CCNC: variants seen among roughly 807,000 people sequenced by gnomAD.
CCNC encodes cyclin C, also known as cyclin-C.
CCNC carries 19 observed loss-of-function variants against 50.0 expected under a neutral mutation model. The ratio of observed to expected loss-of-function variants is 0.38; its 90% CI spans 0.27 to 0.56. The LOEUF (loss-of-function observed/expected upper bound fraction) is 0.56, where lower values mean the gene tolerates loss of function less well. Among genes scored for constraint, CCNC ranks in the 20% least tolerant of loss-of-function variants. The pLI is 0.72. For missense variants in CCNC, 200 were observed against 327.1 expected, an observed-to-expected ratio of 0.61 and a Z score of 3.00; for synonymous variants, 93 against 103.7, an observed-to-expected ratio of 0.90 and a Z score of 0.63.
At chr6:99,556,577 G>C (rs769623294) in intron 5 of CCNC, among the ~76,000 whole-genome samples, 96 of 151,922 alleles carry the variant, frequency 6.3e-4, no homozygotes, top group Non-Finnish European at 1.1e-3. Context: ...TCAGCACTTT[G>C]GGAGGCTGAG....
At chr6:99,568,736 T>A, upstream of CCNC, 1 of 1,399,174 alleles carries the variant, frequency 7.1e-7, no homozygotes, top group East Asian at 2.6e-5. Context: ...CCCGTTCCTA[T>A]CGACAAAAGT....
At chr6:99,562,688 AAAAG>A (rs1301364706) in intron 2 of CCNC, 150 bp downstream of exon 2, 8 of 554,222 alleles carry the variant, frequency 1.4e-5, no homozygotes, top group African/African-American at 1.9e-5. Context: ...TGGATCACTA[AAAAG>A]AAAGATAAAT....
At chr6:99,546,133 T>C (rs899245537) in intron 10 of CCNC, among the ~76,000 whole-genome samples, 4 of 152,144 alleles carry the variant, frequency 2.6e-5, no homozygotes, top group Non-Finnish European at 5.9e-5. Flanking sequence ...ACCCAGCTAA[T>C]TTTTGTATTT....
chr6:99,547,352 C>T (rs565165774), intron 9 of CCNC, among the ~76,000 whole-genome samples: 14 of 152,088 alleles, frequency 9.2e-5, no homozygotes, highest in African/African-American at 3.4e-4. Context: ...AATTAAAATA[C>T]AGTGGACAAT....
In CCNC at chr6:99,550,231, G is replaced by A; in HGVS notation, c.517C>T (p.Leu173Phe). 1 of 1,610,996 alleles carries A rather than the reference G, an allele frequency of 6.2e-7. No homozygotes were observed. Among genetic ancestry groups the A allele is most frequent in the Non-Finnish European group, 8.5e-7 (1 of 1,177,738 alleles). Residue 173 changes from leucine (L) to phenylalanine (F), a missense_variant, in exon 8 of 12, where the codon CTT (leucine) becomes TTT (phenylalanine). Coordinates refer to ENST00000520429, the MANE Select transcript of CCNC (RefSeq NM_005190.4). ...TGTTCTAATTACCATGCAAGGGGAA[G>A]CAACATGTCTTCTTGGCCCATGTCC... ...VQDMGQEDML[L>F]PLAWRIVNDT...
In CCNC at chr6:99,568,613, G is replaced by A. The variant is rs1224914426; in HGVS notation, c.-86C>T. The A allele has an allele frequency of 6.4e-6, 10 of 1,567,006 alleles. No individual in the cohort carries two copies. The highest frequency in any genetic ancestry group is 2.4e-5 in the East Asian group (1 of 41,556). ...TAGACCCAGCCCGTCCGGTAACCGCGCTCCTCGATCAAATCAGCTCGGCTC... is the reference window on the plus strand; with the variant it reads ...TAGACCCAGCCCGTCCGGTAACCGCACTCCTCGATCAAATCAGCTCGGCTC... On this transcript the variant is annotated 5_prime_UTR_variant, in exon 1 of 12. Coordinates refer to ENST00000520429, the MANE Select transcript of CCNC (RefSeq NM_005190.4).
chr6:99,556,321 T>C (rs1416794410), intron 5 of CCNC, among the ~76,000 whole-genome samples: 3 of 152,242 alleles, frequency 2.0e-5, no homozygotes, highest in East Asian at 1.9e-4. Context: ...AAGTATTCCA[T>C]GTAAGTGTAA....
At chr6:99,564,277 T>C (rs1465391576) in intron 1 of CCNC, among the ~76,000 whole-genome samples, 1 of 152,088 alleles carries the variant, frequency 6.6e-6, no homozygotes, top group African/African-American at 2.4e-5. Flanking sequence ...TTACAAAAAT[T>C]AGCTGGACGT....
chr6:99,562,801 A>G (rs1319870855), intron 2 of CCNC, 41 bp downstream of exon 2: 1 of 1,117,582 alleles, frequency 8.9e-7, no homozygotes. Context: ...ATTCAGAGGT[A>G]ACCAACTATA....
intron 5 of CCNC, chr6:99,557,565 G>A (rs1802573543): frequency 6.6e-6 from 1 of 152,142 alleles, no homozygotes; most frequent in African/African-American, 2.4e-5. Flanking sequence ...CCAGCACGTT[G>A]GGAGGCCGAG....
chr6:99,552,100 A>G (rs981694147), intron 5 of CCNC, among the ~76,000 whole-genome samples: 1 of 152,072 alleles, frequency 6.6e-6, no homozygotes, highest in African/African-American at 2.4e-5. Context: ...CTTCAATTTT[A>G]TATTTACTAC....
At chr6:99,554,701 G>A (rs1206197537) in intron 5 of CCNC, among the ~76,000 whole-genome samples, 2 of 151,982 alleles carry the variant, frequency 1.3e-5, no homozygotes, top group South Asian at 2.1e-4. Context: ...CTTTATTACT[G>A]GCATTAAGAG....
Position 99,561,321 on chromosome 6 carries a change from C to CGTAT in CCNC, c.294+45_294+46insATAC, listed in dbSNP as rs761440721. 4 of 1,262,654 alleles carry CGTAT rather than the reference C, an allele frequency of 3.2e-6. No homozygotes were observed. In the South Asian group the frequency reaches 4.9e-5, roughly 15 times the overall value. The allele number at this position is 1,262,654 out of a possible 1,614,324, so 78.2% of individuals were successfully genotyped here. On this transcript the variant is annotated intron_variant, in intron 4 of 11. Coordinates refer to ENST00000520429, the MANE Select transcript of CCNC (RefSeq NM_005190.4). ...GTGAAAACTGGGGCAGATTAACCAA[C>CGTAT]ATACATTGACTACACTTTGATGAAG...
chr6:99,557,257 G>T (rs1316364784), intron 5 of CCNC: 2 of 151,940 alleles, frequency 1.3e-5, no homozygotes, highest in Non-Finnish European at 2.9e-5. Flanking sequence ...ATATTTTTAT[G>T]TTTCTGTCTT....
At chr6:99,543,754 A>G in intron 11 of CCNC, 145 bp from the exon 12 acceptor site, 1 of 1,430,954 alleles carries the variant, frequency 7.0e-7, no homozygotes, top group South Asian at 1.5e-5. Context: ...CACGTGAAAA[A>G]TTAAAATCCA....
chr6:99,554,211 G>A (rs330815), intron 5 of CCNC, among the ~76,000 whole-genome samples: 2,344 of 151,838 alleles, frequency 0.015, 59 homozygotes, highest in African/African-American at 0.053. Context: ...GAAGACCACC[G>A]AGATAAAGTA....
rs1562488472 is a variant in CCNC at position 99,549,288 on chromosome 6, C to CT, written c.598+219_598+220insA. 4.5e-3 allele frequency: 2,188 copies of CT among 490,260 alleles called. 1 individual carries two copies. Among genetic ancestry groups the CT allele is most frequent in the Non-Finnish European group, 6.3e-3 (1,764 of 279,824 alleles). 30.4% of individuals were successfully genotyped at this position (490,260 alleles called of 1,614,324 possible). The stretch of plus-strand genomic sequence containing the variant: ...CGATTAAAACTATTTTGAATGGTTT[C>CT]AAAAAAAAAAAAAAAAAACTTACCA... On this transcript the variant is annotated intron_variant, in intron 9 of 11. Coordinates refer to ENST00000520429, the MANE Select transcript of CCNC (RefSeq NM_005190.4).
chr6:99,562,942 T>G lies in CCNC; in HGVS notation c.39A>C (p.Gln13His). Residue 13 changes from glutamine (Q) to histidine (H), a missense_variant, in exon 2 of 12, where the codon CAA becomes CAC. Physicochemically the swap from Gln to His is conservative, Grantham distance 24. Transcript: ENST00000520429. ...ACAGATCTTGTTTATCCAAAATCCA[T>G]TGCAAACTAGAAAAGACATGTTACA... ...GNFWQSSHYL[Q>H]WILDKQDLLK... 1 of 1,591,274 alleles carries G rather than the reference T, an allele frequency of 6.3e-7. No homozygotes were observed. Among genetic ancestry groups the G allele is most frequent in the Non-Finnish European group, 8.6e-7 (1 of 1,165,656 alleles).
intron 4 of CCNC, among the ~76,000 whole-genome samples, chr6:99,559,448 T>G (rs184597827): frequency 1.3e-5 from 2 of 152,268 alleles, no homozygotes; most frequent in East Asian, 3.9e-4. Flanking sequence ...GGAGCTAAAC[T>G]AAAAATCTAT....
Sources: allele counts gnomAD v4.1 joint callset (sites outside exome capture counted in the v4.1 genomes callset), GRCh38; gene constraint gnomAD v4.1.1; transcripts MANE v1.5; gene names NCBI Gene and HGNC (gene_info 2026-07-23, HGNC 2026-07-21).